The following ANKH variants were observed in gnomAD, a reference collection of about 807,000 sequenced individuals.
ANKH encodes the protein mineralization regulator ANKH.
ANKH carries 15 observed loss-of-function variants against 49.0 expected under a neutral mutation model. The observed-to-expected ratio is 0.31, with a 90% CI of 0.20 to 0.47. The LOEUF (loss-of-function observed/expected upper bound fraction) is 0.47, where lower values mean the gene tolerates loss of function less well. Ranked by LOEUF, ANKH falls within the 20% of genes least tolerant of loss-of-function variation. The probability of loss-of-function intolerance (pLI) is 1.00; values close to 1 mark genes in which losing one functional copy is unlikely to be tolerated. For missense variants in ANKH, 429 were observed against 652.0 expected (o/e 0.66, Z 3.72); for synonymous variants, 273 against 260.0 (o/e 1.05, Z -0.48).
intron 1 of ANKH, among the ~76,000 whole-genome samples, chr5:14,859,560 T>C (rs1243063466): frequency 2.0e-5 from 3 of 152,220 alleles, no homozygotes; most frequent in Non-Finnish European, 4.4e-5. Context: ...TAGGCTATAT[T>C]TTGCAATAAG....
At chr5:14,751,475 C>A (rs1213860955) in intron 4 of ANKH, among the ~76,000 whole-genome samples, 4 of 152,182 alleles carry the variant, frequency 2.6e-5, no homozygotes, top group Non-Finnish European at 4.4e-5. Flanking sequence ...CATGAAAATT[C>A]TTTTAAGCAA....
chr5:14,771,650 G>T (rs1006168576), intron 1 of ANKH, among the ~76,000 whole-genome samples: 10 of 152,132 alleles, frequency 6.6e-5, no homozygotes, highest in Admixed American at 6.6e-4. Flanking sequence ...GCTGGGTGCG[G>T]TGGCTCACTT....
In ANKH at chr5:14,749,336, C is replaced by G. The variant is rs532141786; in HGVS notation, c.688-30G>C. 1.5e-5 allele frequency: 25 copies of G among 1,613,650 alleles called. No homozygotes were observed. In the East Asian group the frequency reaches 4.9e-4, roughly 32 times the overall value. On this transcript the variant is annotated intron_variant, in intron 5 of 11. Coordinates refer to ENST00000284268, the MANE Select transcript of ANKH (RefSeq NM_054027.6). Reference sequence around the variant, plus strand: ...GTTAAGAAACGAAGATAAAAGTTACCTGAACTCTAGAAGCAGAATGGAAAA... The same window carrying G: ...GTTAAGAAACGAAGATAAAAGTTACGTGAACTCTAGAAGCAGAATGGAAAA...
chr5:14,744,701 G>A (rs1329575490), intron 7 of ANKH, among the ~76,000 whole-genome samples: 2 of 152,246 alleles, frequency 1.3e-5, no homozygotes, highest in Non-Finnish European at 2.9e-5. Flanking sequence ...AGAGATGCCT[G>A]GGGGGATGCC....
intron 8 of ANKH, among the ~76,000 whole-genome samples, chr5:14,733,135 A>C (rs1394569453): frequency 6.6e-6 from 1 of 152,226 alleles, no homozygotes; most frequent in Non-Finnish European, 1.5e-5. Flanking sequence ...GGAGGACTAC[A>C]GGCCACTGAA....
intron 8 of ANKH, among the ~76,000 whole-genome samples, chr5:14,719,217 G>GT (rs1367787463): frequency 6.6e-6 from 1 of 152,220 alleles, no homozygotes; most frequent in Non-Finnish European, 1.5e-5. Flanking sequence ...GGAGCAATAA[G>GT]TTTTGAAGGC....
At chr5:14,787,939 T>C (rs545379902) in intron 1 of ANKH, among the ~76,000 whole-genome samples, 87 of 152,362 alleles carry the variant, frequency 5.7e-4, no homozygotes, top group African/African-American at 2.0e-3. Flanking sequence ...GGACTCACTT[T>C]CCTATTAGTG....
intron 1 of ANKH, among the ~76,000 whole-genome samples, chr5:14,786,486 T>C (rs1224585271): frequency 6.6e-6 from 1 of 152,112 alleles, no homozygotes; most frequent in Admixed American, 6.5e-5. Context: ...AGAAATGTGA[T>C]AGAGGAGACT....
At position 14,763,624 on chromosome 5, in the gene ANKH, G is replaced by C. The variant is rs143724813; in HGVS notation, c.314-5026C>G. On this transcript the variant is annotated intron_variant, in intron 2 of 11. Coordinates refer to ENST00000284268, the MANE Select transcript of ANKH (RefSeq NM_054027.6). ...AAGTAATTGTGAAATTTTAACGCAA[G>C]TACAAGAATTCTATCTCACTGGCAT... Among the ~76,000 whole-genome samples the C allele has an allele frequency of 4.6e-5, 7 of 152,360 alleles. No individual in the cohort carries two copies. In the East Asian group the frequency reaches 1.3e-3, roughly 29 times the overall value.
rs1738496033 is a variant in ANKH at position 14,745,287 on chromosome 5, A to C, written c.915+583T>G. Among the ~76,000 whole-genome samples, 1 of 152,258 alleles carries C rather than the reference A, an allele frequency of 6.6e-6. No individual in the cohort carries two copies. The highest frequency in any genetic ancestry group is 2.4e-5 in the African/African-American group (1 of 41,466). On this transcript the variant is annotated intron_variant, in intron 7 of 11. Coordinates refer to ENST00000284268, the MANE Select transcript of ANKH (RefSeq NM_054027.6). This position sits in a 1 kb window ranked among gnomAD's most constrained non-coding sequence, Gnocchi z 4.7. ...AAATAGACTTTAATTGAATGACAGC[A>C]GGACAGTGCTGACTGGGTCACAAGT...
rs761601352 is a variant in ANKH at position 14,725,888 on chromosome 5, G to A, written c.1012-9053C>T. Among the ~76,000 whole-genome samples, 5 of 152,340 alleles carry A rather than the reference G, an allele frequency of 3.3e-5. No homozygotes were observed. The East Asian group carries it at 9.6e-4, about 29-fold the overall frequency. ...AGCCTCCTGAGTAGCTGGGACTACA[G>A]GTACGTGCCACCACGCCCAGCTAAT... is the stretch of plus-strand genomic sequence containing the variant. On this transcript the variant is annotated intron_variant, in intron 8 of 11. Coordinates refer to ENST00000284268, the MANE Select transcript of ANKH (RefSeq NM_054027.6). The surrounding 1 kb of genome is among the most constrained non-coding windows in gnomAD (Gnocchi z 4.0).
chr5:14,728,044 C>T (rs1328366826), intron 8 of ANKH, among the ~76,000 whole-genome samples: 3 of 152,216 alleles, frequency 2.0e-5, no homozygotes, highest in Non-Finnish European at 4.4e-5. Context: ...TCCCCCAAAA[C>T]AAACCAATCA....
Position 14,785,239 on chromosome 5 carries a change from T to C in ANKH, c.97-16048A>G, listed in dbSNP as rs1204019649. ...CCTACCAGGTGATATGGTTTGGATG[T>C]TTGTCCCCTCCAAATCTCACACTGA... On this transcript the variant is annotated intron_variant, in intron 1 of 11. Transcript: ENST00000284268. Among the ~76,000 whole-genome samples, 6 of 152,162 alleles carry C rather than the reference T, an allele frequency of 3.9e-5. No homozygotes were observed. In the East Asian group the frequency reaches 1.2e-3, roughly 29 times the overall value.
chr5:14,762,295 C>A (rs929902750), intron 2 of ANKH, among the ~76,000 whole-genome samples: 1 of 152,172 alleles, frequency 6.6e-6, no homozygotes, highest in Admixed American at 6.5e-5. Context: ...TTTATGGGGT[C>A]TAAGGACTGC....
Position 14,710,863 on chromosome 5 carries a change from C to T in ANKH, c.*334G>A, listed in dbSNP as rs561944064. 1.3e-4 allele frequency: 47 copies of T among 366,706 alleles called. No individual in the cohort carries two copies. In the East Asian group the frequency reaches 2.1e-3, roughly 17 times the overall value. The allele number at this position is 366,706 out of a possible 1,614,324, so 22.7% of individuals were successfully genotyped here. ...CGAGGCGCGATGGCACAGCTGCAGT[C>T]CTTTGGTTCCAAGAGGAGATTGTCC... On this transcript the variant is annotated 3_prime_UTR_variant, in exon 12 of 12. Coordinates refer to ENST00000284268, the MANE Select transcript of ANKH (RefSeq NM_054027.6).
intron 4 of ANKH, among the ~76,000 whole-genome samples, chr5:14,751,894 G>A (rs1738732468): frequency 6.6e-6 from 1 of 152,032 alleles, no homozygotes; most frequent in African/African-American, 2.4e-5. Flanking sequence ...TCTCGAGGCT[G>A]GACACTCAGA....
intron 1 of ANKH, chr5:14,788,291 C>T (rs774974194): frequency 7.9e-5 from 12 of 152,366 alleles, no homozygotes; most frequent in Non-Finnish European, 1.8e-4. Context: ...CCTCCTTAAC[C>T]TGCCTAAGCC....
At chr5:14,815,731 A>G (rs1472482444) in intron 1 of ANKH, among the ~76,000 whole-genome samples, 7 of 152,238 alleles carry the variant, frequency 4.6e-5, no homozygotes, top group African/African-American at 1.7e-4. Flanking sequence ...GTATACATAC[A>G]AAGACAGGGG....
At chr5:14,730,560 A>T (rs1344709946) in intron 8 of ANKH, among the ~76,000 whole-genome samples, 1 of 152,116 alleles carries the variant, frequency 6.6e-6, no homozygotes, top group Non-Finnish European at 1.5e-5. Flanking sequence ...ACGTGCATCC[A>T]TGCCTTCACC....
Sources: gnomAD v4.1 joint callset for allele counts (sites outside exome capture counted in the v4.1 genomes callset) on GRCh38, gnomAD v4.1.1 for gene constraint, Gnocchi (gnomAD v3.1) non-coding constraint, MANE v1.5 for transcripts, NCBI Gene and HGNC (gene_info 2026-07-23, HGNC 2026-07-21) for gene names.